ZBTB1: variants seen among roughly 807,000 people sequenced by gnomAD.
ZBTB1 encodes zinc finger and BTB domain-containing protein 1.
Under a neutral mutation model 51.6 loss-of-function variants are expected in ZBTB1, and 13 were observed. That is an observed-to-expected ratio of 0.25 (90% CI 0.16 to 0.40). The LOEUF is 0.40. Ranked by LOEUF, ZBTB1 falls within the 10% of genes least tolerant of loss-of-function variation. The pLI, the probability that ZBTB1 is intolerant of heterozygous loss-of-function variation, is 1.00. For missense variants in ZBTB1, 567 were observed against 856.5 expected (o/e 0.66, Z 4.22); for synonymous variants, 240 against 282.2 (o/e 0.85, Z 1.50).
At position 64,522,633 on chromosome 14, in the gene ZBTB1, G is replaced by A; in HGVS notation, c.1129G>A (p.Asp377Asn). 6.2e-7 allele frequency: 1 copy of A among 1,614,148 alleles called. No homozygotes were observed. The highest frequency in any genetic ancestry group is 8.5e-7 in the Non-Finnish European group (1 of 1,180,008). The change falls in exon 2 of 2, where the codon GAT becomes AAT. Residue 377 changes from aspartate (D) to asparagine (N), a missense_variant. Asp to Asn is a conservative substitution (Grantham distance 23, BLOSUM62 1). This residue lies in a region of ZBTB1 where 329 missense variants were observed against 406.3 expected (regional missense o/e 0.81). Transcript: ENST00000683701. ...ATTTTATAGATACTATGTTGAAGAA[G>A]ATGTCAGCATAAAAAAAAGTGGTAG... ...EPFYRYYVEEDVSIKKSGRKT... is the reference protein window; with the variant it reads ...EPFYRYYVEENVSIKKSGRKT...
chr14:64,531,791 T>C, intron 2 of ZBTB1: 2 of 1,587,418 alleles, frequency 1.3e-6, no homozygotes, highest in South Asian at 1.1e-5. Context: ...CTAAGAATTA[T>C]GTTGTATCTT....
intron 1 of ZBTB1, among the ~76,000 whole-genome samples, chr14:64,506,188 T>A (rs1414944248): frequency 6.6e-6 from 1 of 152,154 alleles, no homozygotes; most frequent in Non-Finnish European, 1.5e-5. Context: ...AAAGTCTCAA[T>A]AATAACTGGA....
At chr14:64,530,493 G>A (rs987794010) in intron 2 of ZBTB1, among the ~76,000 whole-genome samples, 6 of 152,140 alleles carry the variant, frequency 3.9e-5, no homozygotes, top group Middle Eastern at 3.4e-3. Flanking sequence ...TGTAGTCTCA[G>A]CTACTCTGGA....
At chr14:64,530,025 C>T (rs370550331) in intron 2 of ZBTB1, among the ~76,000 whole-genome samples, 3 of 152,170 alleles carry the variant, frequency 2.0e-5, no homozygotes, top group Non-Finnish European at 2.9e-5. Flanking sequence ...CACATAGCTG[C>T]ATAACCACCC....
chr14:64,531,498 A>C (rs1174448282), intron 2 of ZBTB1, among the ~76,000 whole-genome samples: 1 of 152,220 alleles, frequency 6.6e-6, no homozygotes, highest in Non-Finnish European at 1.5e-5. Context: ...GAGATTTGTC[A>C]TTAACAAGTT....
intron 2 of ZBTB1, chr14:64,531,735 C>A: frequency 9.9e-7 from 1 of 1,013,338 alleles, no homozygotes; most frequent in Admixed American, 2.4e-5. Context: ...ATTCTCTGTT[C>A]TGTTAACAGT....
Position 64,522,718 on chromosome 14 carries a change from T to A in ZBTB1, c.1214T>A (p.Met405Lys). ...GATGAAAGAGGTGGTTTAGAGAATA[T>A]GAGGCCCCCTAACAACAGCAGTCCA... ...SADERGGLEN[M>K]RPPNNSSPVQ... The change falls in exon 2 of 2, where the codon ATG becomes AAG. Residue 405 changes from methionine (M) to lysine (K), a missense_variant. This residue lies in a region of ZBTB1 where 329 missense variants were observed against 406.3 expected (regional missense o/e 0.81). Coordinates refer to ENST00000683701, the MANE Select transcript of ZBTB1 (RefSeq NM_001123329.2). 6.2e-7 allele frequency: 1 copy of A among 1,614,180 alleles called. No homozygotes were observed. Among genetic ancestry groups the A allele is most frequent in the Non-Finnish European group, 8.5e-7 (1 of 1,180,012 alleles).
In ZBTB1 at chr14:64,521,872, G is replaced by A; in HGVS notation, c.368G>A (p.Ser123Asn). 1 of 1,613,386 alleles carries A rather than the reference G, an allele frequency of 6.2e-7. No individual in the cohort carries two copies. The highest frequency in any genetic ancestry group is 8.5e-7 in the Non-Finnish European group (1 of 1,180,042). Reference sequence around the variant, plus strand: ...GACATCCAGGATGCAGATTGTTCTAGTTCAAAATGTTCCTCTTCTGCTTCC... The same window carrying A: ...GACATCCAGGATGCAGATTGTTCTAATTCAAAATGTTCCTCTTCTGCTTCC... ...LEDIQDADCS[S>N]SKCSSSASSK... The change falls in exon 2 of 2, where the codon AGT becomes AAT. Residue 123 changes from serine to asparagine, a missense_variant. Physicochemically the swap from Ser to Asn is conservative, Grantham distance 46. Around this residue, in one of 5 missense-constraint regions of ZBTB1, gnomAD observed 74 missense variants for 74.9 expected, o/e 0.99. Transcript: ENST00000683701.
Position 64,522,812 on chromosome 14 carries a change from A to G in ZBTB1, c.1308A>G (p.Ser436=). 1 of 1,614,236 alleles carries G rather than the reference A, an allele frequency of 6.2e-7. No individual in the cohort carries two copies. Among genetic ancestry groups the G allele is most frequent in the Non-Finnish European group, 8.5e-7 (1 of 1,180,032 alleles). ...TTACAATAACCGAGGAGGACCTGTC[A>G]TCTCATTACTTAGCCAAACACATTG... ...CGLTITEEDL[S]SHYLAKHIEN... The change falls in exon 2 of 2, where the codon TCA becomes TCG. Residue 436 remains serine (S), a synonymous_variant. Transcript: ENST00000683701.
Position 64,509,081 on chromosome 14 carries a change from C to T in ZBTB1, c.-19+4135C>T, listed in dbSNP as rs775967865. On this transcript the variant is annotated intron_variant, in intron 1 of 1. Transcript: ENST00000683701. ...TCACCCTAAGATCAGAAAAAACTTC[C>T]CAAAGAGGCCAGGCACAATGTCTCT... Among the ~76,000 whole-genome samples the T allele has an allele frequency of 3.5e-4, 53 of 152,196 alleles. 1 individual carries two copies. Among genetic ancestry groups the T allele is most frequent in the Admixed American group, 3.5e-3 (53 of 15,284 alleles).
At chr14:64,514,391 A>G (rs1477334195) in intron 1 of ZBTB1, 1 of 152,212 alleles carries the variant, frequency 6.6e-6, no homozygotes, top group Non-Finnish European at 1.5e-5. Flanking sequence ...TCTGTGACAC[A>G]ATTTAGAGGG....
At chr14:64,529,623 T>C (rs546926014), downstream of ZBTB1, among the ~76,000 whole-genome samples, 1 of 152,046 alleles carries the variant, frequency 6.6e-6, no homozygotes, top group South Asian at 2.1e-4. Context: ...ATTTAAAAAT[T>C]AGCCGGGCAT....
rs1566636177 is a variant in ZBTB1, at chr14:64,523,083, T to C, written c.1579T>C (p.Phe527Leu). ...AAACAGTATCCAAAAAAAGCAGTTA[T>C]TTAAACATTCTGCCTGCCCTTTTCG... is the stretch of plus-strand genomic sequence containing the variant. ...QINSIQKKQL[F>L]KHSACPFRCP... is the part of the protein sequence containing the mutation. Residue 527 changes from phenylalanine (F) to leucine (L), a missense_variant, in exon 2 of 2, where the codon TTT (phenylalanine) becomes CTT (leucine). Phe to Leu is a conservative substitution (Grantham distance 22, BLOSUM62 0). Around this residue, in one of 5 missense-constraint regions of ZBTB1, gnomAD observed 329 missense variants for 406.3 expected, o/e 0.81. Coordinates refer to ENST00000683701, the MANE Select transcript of ZBTB1 (RefSeq NM_001123329.2). The surrounding 1 kb of genome is among the most constrained non-coding windows in gnomAD (Gnocchi z 4.5). 6.2e-7 allele frequency: 1 copy of C among 1,614,218 alleles called. No individual in the cohort carries two copies. Among genetic ancestry groups the C allele is most frequent in the Non-Finnish European group, 8.5e-7 (1 of 1,180,024 alleles).
chr14:64,517,325 G>C (rs565329666), intron 1 of ZBTB1, among the ~76,000 whole-genome samples: 9 of 152,234 alleles, frequency 5.9e-5, no homozygotes, highest in African/African-American at 1.9e-4. Flanking sequence ...AAGAAGCCAG[G>C]TCTGTCTGAT....
Position 64,523,395 on chromosome 14 carries a change from A to C in ZBTB1, c.1891A>C (p.Met631Leu). The change falls in exon 2 of 2, where the codon ATG becomes CTG. Residue 631 changes from methionine to leucine, a missense_variant. Physicochemically the swap from Met to Leu is conservative, Grantham distance 15. Coordinates refer to ENST00000683701, the MANE Select transcript of ZBTB1 (RefSeq NM_001123329.2). The surrounding 1 kb of genome is among the most constrained non-coding windows in gnomAD (Gnocchi z 4.5). ...LRLHNDMHKG[M>L]ARYVCSICDQ... ...ACTGCACAATGATATGCACAAAGGCATGGCCAGGTATGTCTGTTCCATTTG... is the reference window on the plus strand; with the variant it reads ...ACTGCACAATGATATGCACAAAGGCCTGGCCAGGTATGTCTGTTCCATTTG... 6.2e-7 allele frequency: 1 copy of C among 1,614,198 alleles called. No individual in the cohort carries two copies.
intron 1 of ZBTB1, among the ~76,000 whole-genome samples, chr14:64,512,710 T>G (rs1477365570): frequency 8.5e-5 from 13 of 152,220 alleles, no homozygotes. Context: ...CATAAAATTT[T>G]CTAAACTTGA....
At chr14:64,530,121 C>T (rs987846129) in intron 2 of ZBTB1, among the ~76,000 whole-genome samples, 4 of 152,116 alleles carry the variant, frequency 2.6e-5, no homozygotes, top group Non-Finnish European at 2.9e-5. Flanking sequence ...TAACTTTATG[C>T]GTCTATTACC....
intron 1 of ZBTB1, among the ~76,000 whole-genome samples, chr14:64,506,482 G>A (rs1437961303): frequency 6.6e-6 from 1 of 152,144 alleles, no homozygotes; most frequent in Non-Finnish European, 1.5e-5. Flanking sequence ...GCAGTGAGCC[G>A]AAATGGCGCC....
chr14:64,531,770 G>T lies in ZBTB1; in HGVS notation c.1899-91G>T, dbSNP rs12385908. The T allele has an allele frequency of 5.6e-4, 859 of 1,539,644 alleles. 8 individuals are homozygous for T. The African/African-American group carries it at 1.0e-2, about 18-fold the overall frequency. On this transcript the variant is annotated intron_variant, in intron 2 of 2. Coordinates refer to the ZBTB1 transcript ENST00000358738. ...TGTGTTGGCCTAGTGCCAAAGCCAA[G>T]AAATTCTGATCTAAGAATTATGTTG... is the stretch of plus-strand genomic sequence containing the variant.
Sources: gnomAD v4.1 joint callset for allele counts (sites outside exome capture counted in the v4.1 genomes callset) on GRCh38, gnomAD v4.1.1 for gene constraint, gnomAD v4.1.1 regional missense constraint, Gnocchi (gnomAD v3.1) non-coding constraint, MANE v1.5 for transcripts, NCBI Gene and HGNC (gene_info 2026-07-23, HGNC 2026-07-21) for gene names.